The following DLG2 variants were observed in gnomAD, a reference collection of about 807,000 sequenced individuals.
DLG2 encodes disks large homolog 2.
Under a neutral mutation model 132.5 loss-of-function variants are expected in DLG2, and 45 were observed. The observed-to-expected ratio is 0.34, with a 90% CI of 0.27 to 0.44. The LOEUF (loss-of-function observed/expected upper bound fraction) is 0.44, where lower values mean the gene tolerates loss of function less well. Ranked by LOEUF, DLG2 falls within the 20% of genes least tolerant of loss-of-function variation. DLG2 has a pLI of 1.00. For missense variants in DLG2, 1,045 were observed against 1,196.9 expected (o/e 0.87, Z 1.87); for synonymous variants, 424 against 419.6 (o/e 1.01, Z -0.13).
intron 18 of DLG2, among the ~76,000 whole-genome samples, chr11:83,704,651 T>C (rs1389207088): frequency 7.8e-6 from 1 of 128,446 alleles, no homozygotes; most frequent in Non-Finnish European, 1.6e-5. Context: ...ACCCCGTCTC[T>C]ACTAAAAAAA....
chr11:84,927,727 T>G (rs567420598), intron 6 of DLG2, among the ~76,000 whole-genome samples: 4 of 152,138 alleles, frequency 2.6e-5, no homozygotes, highest in African/African-American at 4.8e-5. Flanking sequence ...CAGAAAATAT[T>G]ATGATGATGA....
At chr11:84,212,860 T>C (rs2096774654) in intron 8 of DLG2, among the ~76,000 whole-genome samples, 1 of 152,158 alleles carries the variant, frequency 6.6e-6, no homozygotes, top group African/African-American at 2.4e-5. Context: ...GGGTTTCACC[T>C]TGTTAGCCAG....
intron 6 of DLG2, among the ~76,000 whole-genome samples, chr11:85,051,407 T>C (rs1470136283): frequency 6.6e-6 from 1 of 152,126 alleles, no homozygotes; most frequent in East Asian, 1.9e-4. Context: ...CCCCAAGAAA[T>C]GAAATATAAA....
At position 84,447,609 on chromosome 11, in the gene DLG2, T is replaced by A. The variant is rs567924053; in HGVS notation, c.519+86961A>T. On this transcript the variant is annotated intron_variant, in intron 7 of 27. Transcript: ENST00000376104. ...CCATGTGTCTCTTTTCTGAGACAAA[T>A]AAATATCTTCTTGAGCCTTATGAGT... Among the ~76,000 whole-genome samples, 3 of 152,254 alleles carry A rather than the reference T, an allele frequency of 2.0e-5. No individual in the cohort carries two copies. The East Asian group carries it at 5.8e-4, about 29-fold the overall frequency.
chr11:84,093,737 C>T (rs1006499528), intron 10 of DLG2, among the ~76,000 whole-genome samples: 16 of 152,150 alleles, frequency 1.1e-4, no homozygotes, highest in African/African-American at 3.9e-4. Context: ...GCCTCAGCCT[C>T]CTGAGTAGCT....
intron 11 of DLG2, among the ~76,000 whole-genome samples, chr11:84,057,827 C>T (rs1031908448): frequency 1.3e-5 from 2 of 152,078 alleles, no homozygotes; most frequent in Non-Finnish European, 2.9e-5. Context: ...GAAAATATGG[C>T]CCAGAGAGGT....
chr11:84,266,062 C>T (rs2097626519), intron 7 of DLG2, among the ~76,000 whole-genome samples: 1 of 152,076 alleles, frequency 6.6e-6, no homozygotes, highest in Non-Finnish European at 1.5e-5. Context: ...GTAAGCTTTA[C>T]TCTATTGTAC....
chr11:85,433,602 C>T (rs566548122), intron 3 of DLG2, among the ~76,000 whole-genome samples: 14 of 152,248 alleles, frequency 9.2e-5, no homozygotes, highest in African/African-American at 3.4e-4. Flanking sequence ...GGGATCAATT[C>T]GACAAGAAGT....
intron 2 of DLG2, among the ~76,000 whole-genome samples, chr11:85,609,798 A>G (rs1160822359): frequency 1.3e-5 from 2 of 152,148 alleles, no homozygotes; most frequent in Non-Finnish European, 2.9e-5. Flanking sequence ...CGGCCTTCTC[A>G]GTGTTAATCT....
At chr11:84,245,800 T>C (rs1303930296) in intron 8 of DLG2, among the ~76,000 whole-genome samples, 1 of 152,204 alleles carries the variant, frequency 6.6e-6, no homozygotes, top group African/African-American at 2.4e-5. Context: ...TATATCTGCT[T>C]TGTTTTTATT....
chr11:83,725,485 T>C (rs1307699580), intron 18 of DLG2: 1 of 152,074 alleles, frequency 6.6e-6, no homozygotes, highest in Non-Finnish European at 1.5e-5. Context: ...GGGAAGAAAA[T>C]TCAAAAAGGG....
At chr11:85,249,320 A>G (rs2076284646) in intron 4 of DLG2, among the ~76,000 whole-genome samples, 1 of 152,010 alleles carries the variant, frequency 6.6e-6, no homozygotes, top group Non-Finnish European at 1.5e-5. Context: ...AGCAGATGCA[A>G]TTCAAGAAAC....
At chr11:84,680,283 A>G (rs141251347) in intron 6 of DLG2, among the ~76,000 whole-genome samples, 1 of 152,176 alleles carries the variant, frequency 6.6e-6, no homozygotes, top group East Asian at 1.9e-4. Context: ...CCCTGTCACA[A>G]TTCTGCTTCT....
At chr11:83,622,241 G>T (rs894221663) in intron 19 of DLG2, among the ~76,000 whole-genome samples, 3 of 152,092 alleles carry the variant, frequency 2.0e-5, no homozygotes, top group African/African-American at 7.2e-5. Flanking sequence ...CTATTAATTT[G>T]TGAACAAGAA....
chr11:84,508,958 C>CAA (rs2099249911), intron 7 of DLG2, among the ~76,000 whole-genome samples: 1 of 152,076 alleles, frequency 6.6e-6, no homozygotes, highest in Non-Finnish European at 1.5e-5. Flanking sequence ...GTCTTACTAC[C>CAA]AATGTATAAA....
At chr11:84,238,480 A>G (rs907022010) in intron 8 of DLG2, among the ~76,000 whole-genome samples, 1 of 151,898 alleles carries the variant, frequency 6.6e-6, no homozygotes, top group Non-Finnish European at 1.5e-5. Flanking sequence ...TGATGGCACC[A>G]CTGCACTCTG....
rs2089521609 is a variant in DLG2 at position 83,459,734 on chromosome 11, A to C, written c.*84T>G. 1.4e-6 allele frequency: 1 copy of C among 727,592 alleles called. No individual in the cohort carries two copies. The highest frequency in any genetic ancestry group is 2.3e-5 in the Admixed American group (1 of 43,216). The allele number at this position is 727,592 out of a possible 1,614,324, so 45.1% of individuals were successfully genotyped here. A position where few individuals can be genotyped will look rare whatever the true frequency, so the allele number is the denominator to read the frequency against. On this transcript the variant is annotated 3_prime_UTR_variant, in exon 28 of 28. Coordinates refer to ENST00000376104, the MANE Select transcript of DLG2 (RefSeq NM_001142699.3). ...CTGCAAAAACATAAATGCAACAAAA[A>C]CATAAAAGCCTCCAAGTAGTATGTT...
chr11:84,477,375 A>G (rs1330926016), intron 7 of DLG2, among the ~76,000 whole-genome samples: 2 of 152,034 alleles, frequency 1.3e-5, no homozygotes, highest in African/African-American at 4.8e-5. Context: ...CATGCCTGTA[A>G]TCCCAGCTAC....
intron 15 of DLG2, among the ~76,000 whole-genome samples, chr11:83,878,077 G>A (rs1239346487): frequency 6.6e-6 from 1 of 152,178 alleles, no homozygotes; most frequent in Non-Finnish European, 1.5e-5. Flanking sequence ...AAAGAACCAA[G>A]GGAGGAAATC....
Sources: gnomAD v4.1 joint callset for allele counts (sites outside exome capture counted in the v4.1 genomes callset) on GRCh38, gnomAD v4.1.1 for gene constraint, MANE v1.5 for transcripts, NCBI Gene and HGNC (gene_info 2026-07-23, HGNC 2026-07-21) for gene names.